Variants in CUX2 observed in about 807,000 individuals in gnomAD.
CUX2 encodes cut like homeobox 2, also known as homeobox protein cut-like 2.
Under a neutral mutation model 144.8 loss-of-function variants are expected in CUX2, and 40 were observed. The observed-to-expected ratio is 0.28, with a 90% CI of 0.21 to 0.36. The LOEUF (loss-of-function observed/expected upper bound fraction) is 0.36. Among genes scored for constraint, CUX2 ranks in the 10% least tolerant of loss-of-function variants. The pLI, the probability that CUX2 is intolerant of heterozygous loss-of-function variation, is 1.00. For missense variants in CUX2, 1,615 were observed against 1,994.0 expected, an observed-to-expected ratio of 0.81 and a Z score of 3.62; for synonymous variants, 827 against 875.6, an observed-to-expected ratio of 0.94 and a Z score of 0.98.
chr12:111,216,401 G>A (rs1251870731), intron 2 of CUX2, among the ~76,000 whole-genome samples: 2 of 152,160 alleles, frequency 1.3e-5, no homozygotes, highest in South Asian at 2.1e-4. Context: ...GAGGTCTCCC[G>A]CCATCACATT....
At chr12:111,054,876 C>T (rs1248383066) in intron 1 of CUX2, among the ~76,000 whole-genome samples, 1 of 152,218 alleles carries the variant, frequency 6.6e-6, no homozygotes, top group Non-Finnish European at 1.5e-5. Flanking sequence ...ATCCACCTCC[C>T]TCAGCCTCCC....
chr12:111,153,950 C>T (rs763631401), intron 1 of CUX2, among the ~76,000 whole-genome samples: 3 of 152,106 alleles, frequency 2.0e-5, no homozygotes, highest in Admixed American at 1.3e-4. Flanking sequence ...ACCACCTTCA[C>T]GTTCATTTCT....
At chr12:111,275,725 A>T (rs1884842169) in intron 4 of CUX2, among the ~76,000 whole-genome samples, 1 of 152,152 alleles carries the variant, frequency 6.6e-6, no homozygotes, top group Non-Finnish European at 1.5e-5. Flanking sequence ...CGGACCCAAG[A>T]CTGAAACTTT....
intron 4 of CUX2, among the ~76,000 whole-genome samples, chr12:111,272,590 G>A (rs1244835484): frequency 3.3e-5 from 5 of 152,192 alleles, no homozygotes; most frequent in Middle Eastern, 3.4e-3. Flanking sequence ...TCAGCCTCCC[G>A]AGTAGCTGGG....
At chr12:111,152,842 G>A (rs927094125) in intron 1 of CUX2, among the ~76,000 whole-genome samples, 5 of 152,208 alleles carry the variant, frequency 3.3e-5, no homozygotes, top group Admixed American at 2.0e-4. Context: ...GGGACAAGCC[G>A]CTCTAGATGG....
At chr12:111,162,173 G>C (rs931831453) in intron 1 of CUX2, among the ~76,000 whole-genome samples, 2 of 152,244 alleles carry the variant, frequency 1.3e-5, no homozygotes, top group Non-Finnish European at 2.9e-5. Context: ...GCCGGGCCTG[G>C]TGTGAAGCCC....
At chr12:111,145,792 G>C (rs1373542257) in intron 1 of CUX2, among the ~76,000 whole-genome samples, 1 of 152,074 alleles carries the variant, frequency 6.6e-6, no homozygotes, top group Admixed American at 6.5e-5. Flanking sequence ...TCAGCCTCCC[G>C]AGTAGCTGGG....
In CUX2 at chr12:111,220,743, CAAAAAAAAAAAAAAAAA is replaced by C. The variant is rs549438290; in HGVS notation, c.222+2827_222+2843del. ...GCAATATAATGAGACCTCATCTCTG[CAAAAAAAAAAAAAAAAA>C]AAAAAAAAAAAAAAAAAAAATTTAA... On this transcript the variant is annotated intron_variant, in intron 3 of 21. Transcript: ENST00000261726. Among the ~76,000 whole-genome samples the C allele has an allele frequency of 9.4e-3, 369 of 39,140 alleles. 3 individuals carry two copies. Among genetic ancestry groups the C allele is most frequent in the African/African-American group, 0.035 (335 of 9,544 alleles). The allele number at this position is 39,140 out of a possible 152,430, so 25.7% of individuals were successfully genotyped here.
intron 21 of CUX2, among the ~76,000 whole-genome samples, chr12:111,342,956 CAAAAAAAAA>C (rs11314694): frequency 1.5e-5 from 1 of 68,468 alleles, no homozygotes; most frequent in Non-Finnish European, 2.8e-5. Context: ...GAGACTATCT[CAAAAAAAAA>C]AAAAAAAAAA....
chr12:111,087,024 G>T (rs1872262285), intron 1 of CUX2, among the ~76,000 whole-genome samples: 1 of 152,162 alleles, frequency 6.6e-6, no homozygotes, highest in Non-Finnish European at 1.5e-5. Flanking sequence ...AAATAGGAAT[G>T]GACATAGTAA....
At chr12:111,253,856 T>A (rs1456401243) in intron 3 of CUX2, among the ~76,000 whole-genome samples, 1 of 151,842 alleles carries the variant, frequency 6.6e-6, no homozygotes, top group Non-Finnish European at 1.5e-5. Flanking sequence ...CTCACTCTGT[T>A]TCCTCAAAAG....
intron 8 of CUX2, among the ~76,000 whole-genome samples, chr12:111,298,274 C>T (rs11065854): frequency 0.048 from 7,284 of 152,278 alleles, 247 homozygotes; most frequent in East Asian, 0.11. Flanking sequence ...GCATTCCAGG[C>T]ACTACCAGGA....
chr12:111,272,789 C>T (rs1884694051), intron 4 of CUX2, among the ~76,000 whole-genome samples: 1 of 152,156 alleles, frequency 6.6e-6, no homozygotes. Context: ...AAGGCAGTGT[C>T]GCACCATTTC....
chr12:111,099,122 A>G (rs946361575), intron 1 of CUX2, among the ~76,000 whole-genome samples: 2 of 152,232 alleles, frequency 1.3e-5, no homozygotes, highest in Non-Finnish European at 2.9e-5. Context: ...CCCATTCAAT[A>G]CAGGATCCCA....
At position 111,214,324 on chromosome 12, in the gene CUX2, G is replaced by A. The variant is rs778849066; in HGVS notation, c.174+14G>A. The A allele has an allele frequency of 6.9e-7, 1 of 1,456,642 alleles. No homozygotes were observed. The highest frequency in any genetic ancestry group is 9.5e-7 in the Non-Finnish European group (1 of 1,047,820). 90.2% of individuals were successfully genotyped at this position (1,456,642 alleles called of 1,614,324 possible). On this transcript the variant is annotated intron_variant, in intron 2 of 21. Transcript: ENST00000261726. ...AATGTACCTGAGGTATGGTATATTT[G>A]CCGTTATAGAATTAACTCAGTAGGA...
intron 1 of CUX2, chr12:111,099,725 C>A: frequency 2.2e-6 from 1 of 456,050 alleles, no homozygotes; most frequent in Non-Finnish European, 4.4e-6. Context: ...GTTTATTGGG[C>A]GCCGAAACTG....
intron 4 of CUX2, among the ~76,000 whole-genome samples, chr12:111,264,366 T>C (rs886960460): frequency 6.6e-6 from 1 of 152,146 alleles, no homozygotes; most frequent in Non-Finnish European, 1.5e-5. Flanking sequence ...AAGCAATCCA[T>C]ATGGCCATCA....
intron 1 of CUX2, among the ~76,000 whole-genome samples, chr12:111,041,263 G>A (rs548111133): frequency 4.1e-4 from 63 of 152,340 alleles, no homozygotes; most frequent in Non-Finnish European, 7.1e-4. Context: ...AGCACAGTGT[G>A]GGGCACACAG....
intron 1 of CUX2, among the ~76,000 whole-genome samples, chr12:111,078,951 G>A (rs960506009): frequency 8.5e-5 from 13 of 152,220 alleles, no homozygotes; most frequent in African/African-American, 2.9e-4. Context: ...TCCCAGCCTA[G>A]CCTAATGAGG....
Sources: gnomAD v4.1 joint callset for allele counts (sites outside exome capture counted in the v4.1 genomes callset) on GRCh38, gnomAD v4.1.1 for gene constraint, MANE v1.5 for transcripts, NCBI Gene and HGNC (gene_info 2026-07-23, HGNC 2026-07-21) for gene names.